The following ADAMTS6 variants were observed in gnomAD, a reference collection of about 807,000 sequenced individuals.
ADAMTS6 encodes A disintegrin and metalloproteinase with thrombospondin motifs 6.
In ADAMTS6, 23 loss-of-function variants were observed where a neutral mutation model predicts 144.3. The ratio of observed to expected loss-of-function variants is 0.16; its 90% CI spans 0.11 to 0.23. The LOEUF is 0.23. ADAMTS6 is among the 10% of genes least tolerant of loss of function. The pLI, the probability that ADAMTS6 is intolerant of heterozygous loss-of-function variation, is 1.00. For missense variants in ADAMTS6, 999 were observed against 1,379.6 expected, an observed-to-expected ratio of 0.72 and a Z score of 4.37; for synonymous variants, 444 against 457.5, an observed-to-expected ratio of 0.97 and a Z score of 0.38.
At chr5:65,178,110 T>C (rs1463811355) in intron 22 of ADAMTS6, among the ~76,000 whole-genome samples, 1 of 152,216 alleles carries the variant, frequency 6.6e-6, no homozygotes, top group African/African-American at 2.4e-5. Flanking sequence ...AGTCAGCTCT[T>C]GTTCATCCCC....
In ADAMTS6 at chr5:65,151,801, G is replaced by T. The variant is rs753738494; in HGVS notation, c.*35C>A. 3 of 1,567,240 alleles carry T rather than the reference G, an allele frequency of 1.9e-6. No homozygotes were observed. The highest frequency in any genetic ancestry group is 3.3e-5 in the Admixed American group (2 of 59,712). ...TCTTTGATGGATGCATTTCCATGAT[G>T]AAATGACAAGGCACTCTCTCTGGCT... On this transcript the variant is annotated 3_prime_UTR_variant, in exon 25 of 25. Transcript: ENST00000381055.
At chr5:65,477,763 ATTT>A (rs201927162) in intron 1 of ADAMTS6, among the ~76,000 whole-genome samples, 7 of 141,842 alleles carry the variant, frequency 4.9e-5, no homozygotes, top group Non-Finnish European at 3.1e-5. Flanking sequence ...CCCTCCCCAC[ATTT>A]TTTTTTTTTT....
intron 7 of ADAMTS6, among the ~76,000 whole-genome samples, chr5:65,429,829 A>G (rs1353187963): frequency 2.6e-5 from 4 of 152,182 alleles, no homozygotes; most frequent in African/African-American, 7.2e-5. Context: ...TGAATAATCA[A>G]GAGTTCACAA....
At chr5:65,299,884 A>G in intron 10 of ADAMTS6, 101 bp downstream of exon 10, 1 of 1,347,176 alleles carries the variant, frequency 7.4e-7, no homozygotes, top group East Asian at 2.3e-5. Context: ...TAGGCCCTAT[A>G]AAACTTACTC....
At chr5:65,439,727 T>C (rs190240172) in intron 7 of ADAMTS6, among the ~76,000 whole-genome samples, 2 of 152,276 alleles carry the variant, frequency 1.3e-5, no homozygotes, top group East Asian at 3.9e-4. Context: ...GAACTGAAGA[T>C]TAAATAATAG....
intron 7 of ADAMTS6, among the ~76,000 whole-genome samples, chr5:65,446,742 T>G (rs1758295325): frequency 6.6e-6 from 1 of 152,198 alleles, no homozygotes; most frequent in African/African-American, 2.4e-5. Context: ...GTATGTATGG[T>G]CTAGAGTAGG....
chr5:65,425,142 G>A (rs944261938), intron 7 of ADAMTS6, among the ~76,000 whole-genome samples: 1 of 152,018 alleles, frequency 6.6e-6, no homozygotes, highest in African/African-American at 2.4e-5. Context: ...GATTACAGGC[G>A]CACGGCACCA....
intron 7 of ADAMTS6, among the ~76,000 whole-genome samples, chr5:65,338,319 T>C (rs1031224318): frequency 1.3e-5 from 2 of 152,238 alleles, no homozygotes; most frequent in African/African-American, 4.8e-5. Flanking sequence ...AATGCATATG[T>C]TGCCATTCTT....
intron 7 of ADAMTS6, among the ~76,000 whole-genome samples, chr5:65,359,243 G>T (rs1217321089): frequency 6.6e-6 from 1 of 151,996 alleles, no homozygotes; most frequent in Non-Finnish European, 1.5e-5. Context: ...CAAAAAGTGG[G>T]CAAATGATAT....
chr5:65,315,492 T>C (rs1744900046), intron 9 of ADAMTS6, among the ~76,000 whole-genome samples: 2 of 152,058 alleles, frequency 1.3e-5, no homozygotes, highest in Admixed American at 6.5e-5. Context: ...ATTAATTCAA[T>C]TGTCTCAATG....
chr5:65,194,439 G>A (rs959350449), intron 21 of ADAMTS6, among the ~76,000 whole-genome samples: 1 of 152,170 alleles, frequency 6.6e-6, no homozygotes, highest in African/African-American at 2.4e-5. Context: ...CCCAATGGTA[G>A]TGTTCTGAGC....
At chr5:65,372,753 A>G (rs1361782651) in intron 7 of ADAMTS6, among the ~76,000 whole-genome samples, 9 of 151,920 alleles carry the variant, frequency 5.9e-5, no homozygotes, top group South Asian at 2.1e-4. Flanking sequence ...TGCACCAAGC[A>G]GACCTAATAG....
intron 18 of ADAMTS6, among the ~76,000 whole-genome samples, chr5:65,222,572 G>A (rs997568697): frequency 1.8e-4 from 27 of 151,924 alleles, no homozygotes; most frequent in Non-Finnish European, 3.7e-4. Flanking sequence ...CAAAGGATAG[G>A]GTGTTATTCA....
rs190664947 is a variant in ADAMTS6 at position 65,228,177 on chromosome 5, A to G, written c.1934-1958T>C. Reference sequence around the variant, plus strand: ...CTGGAAATTTTTTCATTATTACCCAATACAGTTCTTCTCTCATTTTTTTAT... The same window carrying G: ...CTGGAAATTTTTTCATTATTACCCAGTACAGTTCTTCTCTCATTTTTTTAT... On this transcript the variant is annotated intron_variant, in intron 15 of 24. Transcript: ENST00000381055. Among the ~76,000 whole-genome samples the G allele has an allele frequency of 1.1e-4, 16 of 152,308 alleles. No homozygotes were observed. The East Asian group carries it at 2.7e-3, about 26-fold the overall frequency.
chr5:65,448,418 A>C (rs1758447742), intron 7 of ADAMTS6, among the ~76,000 whole-genome samples: 1 of 151,992 alleles, frequency 6.6e-6, no homozygotes, highest in Non-Finnish European at 1.5e-5. Context: ...CCTGGGACAA[A>C]ATTTGGCCTA....
At chr5:65,163,056 C>T (rs1190095086) in intron 24 of ADAMTS6, among the ~76,000 whole-genome samples, 7 of 152,070 alleles carry the variant, frequency 4.6e-5, no homozygotes, top group Non-Finnish European at 1.0e-4. Flanking sequence ...ACTACAGCCA[C>T]ATACCACCAT....
intron 7 of ADAMTS6, among the ~76,000 whole-genome samples, chr5:65,433,977 C>T (rs1757191647): frequency 6.6e-6 from 1 of 152,138 alleles, no homozygotes; most frequent in Admixed American, 6.5e-5. Context: ...ATAGCATTTT[C>T]CACAATAGCT....
Position 65,330,111 on chromosome 5 carries a change from C to T in ADAMTS6, c.1118-628G>A, listed in dbSNP as rs13172133. 5.1e-3 allele frequency among the ~76,000 whole-genome samples: 770 copies of T among 152,096 alleles called. 6 individuals are homozygous for T. Among genetic ancestry groups the T allele is most frequent in the Non-Finnish European group, 8.8e-3 (597 of 67,966 alleles). ...GGAAAGTCATTCACACATTCAGTGT[C>T]GTTTTTCCTCTCTCCTATCCCTTAC... On this transcript the variant is annotated intron_variant, in intron 8 of 24. Transcript: ENST00000381055.
chr5:65,179,952 GCA>G (rs1310550201), intron 22 of ADAMTS6, among the ~76,000 whole-genome samples: 1 of 83,674 alleles, frequency 1.2e-5, no homozygotes, highest in African/African-American at 5.2e-5. Context: ...ACATGTGCAC[GCA>G]CGCGCACACA....
Sources: allele counts gnomAD v4.1 joint callset (sites outside exome capture counted in the v4.1 genomes callset), GRCh38; gene constraint gnomAD v4.1.1; transcripts MANE v1.5; gene names NCBI Gene and HGNC (gene_info 2026-07-23, HGNC 2026-07-21).